The following ATP2B2 variants were observed in gnomAD, a reference collection of about 807,000 sequenced individuals.
ATP2B2 encodes the protein ATPase plasma membrane Ca2+ transporting 2, also known as plasma membrane calcium-transporting ATPase 2.
Under a neutral mutation model 120.0 loss-of-function variants are expected in ATP2B2, and 15 were observed. That is an observed-to-expected ratio of 0.12 (90% confidence interval 0.08 to 0.19). The LOEUF is 0.19. ATP2B2 is among the 10% of genes least tolerant of loss of function. The probability of loss-of-function intolerance (pLI) is 1.00; values close to 1 mark genes in which losing one functional copy is unlikely to be tolerated. For missense variants in ATP2B2, 1,045 were observed against 1,719.8 expected (o/e 0.61, Z 6.94); for synonymous variants, 694 against 700.3 (o/e 0.99, Z 0.14).
chr3:10,667,607 TC>T (rs2070977420), intron 1 of ATP2B2, among the ~76,000 whole-genome samples: 1 of 152,174 alleles, frequency 6.6e-6, no homozygotes, highest in Non-Finnish European at 1.5e-5. Flanking sequence ...CCATTTCTGG[TC>T]TTTATAAAAA....
chr3:10,412,269 G>A (rs570899202), intron 2 of ATP2B2, among the ~76,000 whole-genome samples: 28 of 152,266 alleles, frequency 1.8e-4, no homozygotes, highest in Admixed American at 5.9e-4. Flanking sequence ...AGGTGTATTT[G>A]TACCTTGGAA....
chr3:10,393,185 G>C (rs1202398515), intron 5 of ATP2B2, among the ~76,000 whole-genome samples: 7 of 152,200 alleles, frequency 4.6e-5, no homozygotes, highest in Non-Finnish European at 7.3e-5. Flanking sequence ...CCAAGCCAAG[G>C]ACATGGCGGG....
chr3:10,342,849 G>C lies in ATP2B2; in HGVS notation c.2820C>G (p.Tyr940Ter). The change falls in exon 19 of 23, where the codon TAC becomes TAG. Residue 940 changes from tyrosine to a stop codon, truncating the protein, a stop_gained. Coordinates refer to ENST00000360273, the MANE Select transcript of ATP2B2 (RefSeq NM_001001331.4). LOFTEE classifies it high-confidence loss of function. The surrounding 1 kb of genome is among the most constrained non-coding windows in gnomAD (Gnocchi z 4.4). ...PTETLLLRKP[Y>*]GRNKPLISRT... is the part of the protein sequence containing the mutation. ...TGGAGATGAGCGGCTTGTTGCGGCC[G>C]TACGGCTTCCTCAGCAGCAGGGTCT... is the stretch of plus-strand genomic sequence containing the variant. 6.2e-7 allele frequency: 1 copy of C among 1,614,138 alleles called. No individual in the cohort carries two copies. Among genetic ancestry groups the C allele is most frequent in the Non-Finnish European group, 8.5e-7 (1 of 1,180,018 alleles).
chr3:10,367,921 G>A (rs1426250441), intron 12 of ATP2B2, among the ~76,000 whole-genome samples: 1 of 152,196 alleles, frequency 6.6e-6, no homozygotes, highest in African/African-American at 2.4e-5. Context: ...GGCTCAGAGA[G>A]GTTAAGTAAC....
intron 1 of ATP2B2, among the ~76,000 whole-genome samples, chr3:10,641,976 C>G (rs1447471434): frequency 1.0e-5 from 1 of 95,598 alleles, no homozygotes; most frequent in Admixed American, 1.2e-4. Context: ...ACTCATCCAC[C>G]CACACACTCA....
At chr3:10,672,459 T>A (rs537274303) in intron 1 of ATP2B2, among the ~76,000 whole-genome samples, 1 of 152,338 alleles carries the variant, frequency 6.6e-6, no homozygotes, top group Non-Finnish European at 1.5e-5. Flanking sequence ...TGGAAAGCCC[T>A]GTTGTCTTCT....
intron 12 of ATP2B2, among the ~76,000 whole-genome samples, chr3:10,366,134 C>A (rs1436532949): frequency 6.6e-6 from 1 of 152,132 alleles, no homozygotes. Context: ...GGAGCCCAGT[C>A]TCAGGGTATG....
chr3:10,475,992 T>C (rs2065188888), intron 1 of ATP2B2, among the ~76,000 whole-genome samples: 1 of 152,142 alleles, frequency 6.6e-6, no homozygotes, highest in Non-Finnish European at 1.5e-5. Flanking sequence ...TGTAGGGAGA[T>C]GGGGATTCCA....
chr3:10,506,166 T>G (rs1055029636), upstream of ATP2B2, among the ~76,000 whole-genome samples: 8 of 152,054 alleles, frequency 5.3e-5, no homozygotes, highest in Non-Finnish European at 1.2e-4. Context: ...ACTCAACACA[T>G]TTTAAACACA....
At chr3:10,551,606 T>C (rs955942696) in intron 2 of ATP2B2, among the ~76,000 whole-genome samples, 1 of 152,256 alleles carries the variant, frequency 6.6e-6, no homozygotes, top group Non-Finnish European at 1.5e-5. Flanking sequence ...TAGAGATAGA[T>C]TTTTCTTTCC....
At chr3:10,464,655 G>A (rs1364617279) in intron 1 of ATP2B2, among the ~76,000 whole-genome samples, 3 of 152,176 alleles carry the variant, frequency 2.0e-5, no homozygotes, top group African/African-American at 7.2e-5. Flanking sequence ...TACCTTCCAT[G>A]GAAACCACTT....
At chr3:10,408,008 A>T (rs2062477305) in intron 3 of ATP2B2, among the ~76,000 whole-genome samples, 1 of 152,198 alleles carries the variant, frequency 6.6e-6, no homozygotes, top group Non-Finnish European at 1.5e-5. Flanking sequence ...GTGCCTTCCA[A>T]GATGTGGCAG....
At chr3:10,535,901 G>T (rs1028000488) in intron 2 of ATP2B2, among the ~76,000 whole-genome samples, 9 of 151,870 alleles carry the variant, frequency 5.9e-5, no homozygotes, top group Admixed American at 2.6e-4. Context: ...TTGTATGGCA[G>T]TTGATTTTTC....
chr3:10,609,614 T>C (rs909038005), intron 2 of ATP2B2, among the ~76,000 whole-genome samples: 8 of 152,214 alleles, frequency 5.3e-5, no homozygotes, highest in African/African-American at 1.9e-4. Context: ...AGGGGAGGCC[T>C]ACCTGGAGGT....
At chr3:10,651,858 G>A (rs1045611712) in intron 1 of ATP2B2, among the ~76,000 whole-genome samples, 1 of 152,182 alleles carries the variant, frequency 6.6e-6, no homozygotes, top group Non-Finnish European at 1.5e-5. Flanking sequence ...TTTGTCCATT[G>A]TGAGATGCAG....
In ATP2B2 at chr3:10,423,278, C is replaced by T. The variant is rs1277059446; in HGVS notation, c.200-12463G>A. On this transcript the variant is annotated intron_variant, in intron 2 of 22. Transcript: ENST00000360273. ...CTAAGGCTCCCTGTCCCCTCTCCTC[C>T]ACATCCGGTGGCCAGCCTCTCTTAC... Among the ~76,000 whole-genome samples, 7 of 152,200 alleles carry T rather than the reference C, an allele frequency of 4.6e-5. No homozygotes were observed. In the East Asian group the frequency reaches 1.3e-3, roughly 29 times the overall value.
At chr3:10,573,676 T>C (rs1009120663) in intron 2 of ATP2B2, among the ~76,000 whole-genome samples, 2 of 152,266 alleles carry the variant, frequency 1.3e-5, no homozygotes, top group South Asian at 2.1e-4. Context: ...GGGGTAGAAA[T>C]AGCCTATGCT....
intron 2 of ATP2B2, among the ~76,000 whole-genome samples, chr3:10,619,219 G>A (rs939422700): frequency 5.3e-5 from 8 of 152,056 alleles, no homozygotes; most frequent in African/African-American, 1.9e-4. Context: ...TTGTTTTCTC[G>A]GGGACACCAT....
At chr3:10,466,305 T>A (rs2064738568) in intron 1 of ATP2B2, among the ~76,000 whole-genome samples, 1 of 152,228 alleles carries the variant, frequency 6.6e-6, no homozygotes, top group Admixed American at 6.5e-5. Flanking sequence ...CTGAAGTTCA[T>A]GTCTACGTGT....
Sources: gnomAD v4.1 joint callset for allele counts (sites outside exome capture counted in the v4.1 genomes callset) on GRCh38, gnomAD v4.1.1 for gene constraint, Gnocchi (gnomAD v3.1) non-coding constraint, MANE v1.5 for transcripts, NCBI Gene and HGNC (gene_info 2026-07-23, HGNC 2026-07-21) for gene names.